The following PPP6R3 variants were observed in gnomAD, a reference collection of about 807,000 sequenced individuals.
The protein encoded by PPP6R3 is protein phosphatase 6 regulatory subunit 3, also known as serine/threonine-protein phosphatase 6 regulatory subunit 3.
PPP6R3 carries 38 observed loss-of-function variants against 110.7 expected under a neutral mutation model. The observed-to-expected ratio is 0.34, with a 90% CI of 0.26 to 0.45. The LOEUF is 0.45. Ranked by LOEUF, PPP6R3 falls within the 20% of genes least tolerant of loss-of-function variation. The probability of loss-of-function intolerance (pLI) is 1.00; values close to 1 mark genes in which losing one functional copy is unlikely to be tolerated. For missense variants in PPP6R3, 870 were observed against 1,062.4 expected (o/e 0.82, Z 2.52); for synonymous variants, 369 against 373.5 (o/e 0.99, Z 0.14).
intron 5 of PPP6R3, among the ~76,000 whole-genome samples, chr11:68,549,639 A>AG (rs1172228039): frequency 6.6e-6 from 1 of 152,114 alleles, no homozygotes; most frequent in African/African-American, 2.4e-5. Flanking sequence ...GAGGACAGGG[A>AG]GGGGGTTATC....
chr11:68,519,446 T>G (rs770577779), intron 1 of PPP6R3, 55 bp from the exon 2 acceptor site: 7 of 393,526 alleles, frequency 1.8e-5, no homozygotes, highest in Non-Finnish European at 3.1e-5. Flanking sequence ...ATGGCAGCTA[T>G]CATCACACCA....
chr11:68,480,117 A>G (rs1312642994), intron 1 of PPP6R3, among the ~76,000 whole-genome samples: 5 of 151,894 alleles, frequency 3.3e-5, no homozygotes, highest in Admixed American at 2.6e-4. Flanking sequence ...GTCTCTTTCT[A>G]GTACTCTGTT....
chr11:68,611,793 T>C (rs540044291), intron 23 of PPP6R3, among the ~76,000 whole-genome samples: 1 of 152,280 alleles, frequency 6.6e-6, no homozygotes, highest in South Asian at 2.1e-4. Flanking sequence ...CGTCCTAGAT[T>C]GCACGTGTTC....
intron 1 of PPP6R3, among the ~76,000 whole-genome samples, chr11:68,497,493 CA>C (rs1358115964): frequency 6.6e-6 from 1 of 152,160 alleles, no homozygotes; most frequent in African/African-American, 2.4e-5. Context: ...GCTGGGACTA[CA>C]GACGTATGCT....
intron 2 of PPP6R3, among the ~76,000 whole-genome samples, chr11:68,530,971 T>C (rs1592639651): frequency 6.6e-6 from 1 of 152,278 alleles, no homozygotes; most frequent in East Asian, 1.9e-4. Flanking sequence ...TTCTTCAGGG[T>C]TCTAATAGTT....
intron 6 of PPP6R3, among the ~76,000 whole-genome samples, 200 bp downstream of exon 6, chr11:68,551,386 A>G (rs970774542): frequency 3.9e-5 from 6 of 152,236 alleles, no homozygotes; most frequent in Non-Finnish European, 5.9e-5. Context: ...CCAGAAGTGT[A>G]CAACAGCAGG....
intron 1 of PPP6R3, chr11:68,515,301 A>C (rs1160068988): frequency 6.5e-6 from 1 of 154,466 alleles, no homozygotes; most frequent in African/African-American, 2.4e-5. Flanking sequence ...TGTTGAGGCC[A>C]GGAACTGGAC....
chr11:68,511,065 G>C (rs2099106229), intron 1 of PPP6R3, among the ~76,000 whole-genome samples: 1 of 144,594 alleles, frequency 6.9e-6, no homozygotes, highest in African/African-American at 2.6e-5. Context: ...TTACGACCAT[G>C]CATACTTTTT....
At chr11:68,470,346 C>CG (rs1407067256) in intron 1 of PPP6R3, among the ~76,000 whole-genome samples, 1 of 151,598 alleles carries the variant, frequency 6.6e-6, no homozygotes, top group Non-Finnish European at 1.5e-5. Flanking sequence ...GCATTATAGG[C>CG]GGAGGGTCAG....
chr11:68,506,563 C>A (rs2099079059), intron 1 of PPP6R3, among the ~76,000 whole-genome samples: 1 of 151,170 alleles, frequency 6.6e-6, no homozygotes, highest in African/African-American at 2.4e-5. Flanking sequence ...TTCATCACCA[C>A]AAACACTTTT....
chr11:68,549,729 T>C (rs1250021854), intron 5 of PPP6R3, among the ~76,000 whole-genome samples: 1 of 152,224 alleles, frequency 6.6e-6, no homozygotes, highest in East Asian at 1.9e-4. Flanking sequence ...TGGTTGCTTC[T>C]GGGTTCAAGT....
intron 1 of PPP6R3, among the ~76,000 whole-genome samples, chr11:68,479,842 G>C (rs1277686825): frequency 1.3e-5 from 2 of 151,866 alleles, no homozygotes; most frequent in African/African-American, 2.4e-5. Flanking sequence ...GGACTCATGT[G>C]ATCCTCCCAC....
chr11:68,590,979 C>T (rs950282642), intron 17 of PPP6R3, among the ~76,000 whole-genome samples: 1 of 152,252 alleles, frequency 6.6e-6, no homozygotes, highest in East Asian at 1.9e-4. Flanking sequence ...GAGAAGGCTG[C>T]AGTTTGACAC....
intron 14 of PPP6R3, among the ~76,000 whole-genome samples, chr11:68,576,698 A>C (rs569695244): frequency 6.6e-6 from 1 of 152,210 alleles, no homozygotes; most frequent in Non-Finnish European, 1.5e-5. Flanking sequence ...TTACAAGTAC[A>C]TGCCAGCTGA....
chr11:68,500,175 T>G (rs1288051845), intron 1 of PPP6R3, among the ~76,000 whole-genome samples: 2 of 152,230 alleles, frequency 1.3e-5, no homozygotes, highest in African/African-American at 4.8e-5. Context: ...AACACACATT[T>G]GCTTGATATT....
intron 22 of PPP6R3, among the ~76,000 whole-genome samples, chr11:68,606,968 A>G (rs1940448585): frequency 6.6e-6 from 1 of 152,246 alleles, no homozygotes; most frequent in African/African-American, 2.4e-5. Flanking sequence ...GAACATAAAA[A>G]GCAAGGTATT....
At chr11:68,513,929 C>T (rs2099123086) in intron 1 of PPP6R3, among the ~76,000 whole-genome samples, 1 of 152,216 alleles carries the variant, frequency 6.6e-6, no homozygotes, top group Non-Finnish European at 1.5e-5. Context: ...TCTTAGCTCT[C>T]TGAGCAACTG....
chr11:68,566,605 C>T (rs942154604), intron 9 of PPP6R3, among the ~76,000 whole-genome samples: 6 of 152,158 alleles, frequency 3.9e-5, no homozygotes, highest in Non-Finnish European at 5.9e-5. Context: ...AAGCGATCCA[C>T]CCACCTCGGC....
chr11:68,503,676 C>T (rs550651448), intron 1 of PPP6R3, among the ~76,000 whole-genome samples: 1 of 152,232 alleles, frequency 6.6e-6, no homozygotes, highest in African/African-American at 2.4e-5. Flanking sequence ...TTGTCAGTGA[C>T]CTGAAAGAGC....
Sources: allele counts gnomAD v4.1 joint callset (sites outside exome capture counted in the v4.1 genomes callset), GRCh38; gene constraint gnomAD v4.1.1; transcripts MANE v1.5; gene names NCBI Gene and HGNC (gene_info 2026-07-23, HGNC 2026-07-21).